TFPI: variants seen among roughly 807,000 people sequenced by gnomAD.
TFPI encodes the protein anti-convertin.
Under a neutral mutation model 34.6 loss-of-function variants are expected in TFPI, and 15 were observed. That is an observed-to-expected ratio of 0.43 (90% CI 0.29 to 0.67). The LOEUF is 0.67. Among genes scored for constraint, TFPI ranks in the 30% least tolerant of loss-of-function variants. The probability of loss-of-function intolerance (pLI) is 0.15; values close to 1 mark genes in which losing one functional copy is unlikely to be tolerated. For missense variants in TFPI, 301 were observed against 364.0 expected (o/e 0.83, Z 1.41); for synonymous variants, 105 against 120.1 (o/e 0.87, Z 0.82).
At chr2:187,534,950 A>T (rs1260498227) in intron 1 of TFPI, among the ~76,000 whole-genome samples, 1 of 152,216 alleles carries the variant, frequency 6.6e-6, no homozygotes, top group Non-Finnish European at 1.5e-5. Flanking sequence ...AGTCTCTGAT[A>T]AAGCAGACTT....
At chr2:187,527,730 G>A (rs933605664) in intron 1 of TFPI, among the ~76,000 whole-genome samples, 2 of 152,174 alleles carry the variant, frequency 1.3e-5, no homozygotes, top group African/African-American at 4.8e-5. Context: ...GTGCAAAGAT[G>A]TATCATTATA....
chr2:187,554,129 T>G (rs2106343978), intron 1 of TFPI, 71 bp downstream of exon 1: 1 of 152,242 alleles, frequency 6.6e-6, no homozygotes, highest in Non-Finnish European at 1.5e-5. Flanking sequence ...CTCAGCACCC[T>G]GCTTTTCCCC....
intron 1 of TFPI, among the ~76,000 whole-genome samples, chr2:187,523,242 T>C (rs981434271): frequency 2.6e-5 from 4 of 152,154 alleles, no homozygotes; most frequent in African/African-American, 7.2e-5. Flanking sequence ...TGAGTTCTTA[T>C]GCATGTGTTC....
chr2:187,501,905 T>C (rs749926574), intron 2 of TFPI, among the ~76,000 whole-genome samples: 3 of 152,146 alleles, frequency 2.0e-5, no homozygotes, highest in Non-Finnish European at 4.4e-5. Context: ...ATCTACTATT[T>C]GCTTGTGAGA....
At chr2:187,472,175 A>G (rs12998119) in intron 6 of TFPI, among the ~76,000 whole-genome samples, 2 of 152,098 alleles carry the variant, frequency 1.3e-5, no homozygotes, top group Admixed American at 6.6e-5. Flanking sequence ...ATAATATTCT[A>G]TATTACTATA....
intron 2 of TFPI, among the ~76,000 whole-genome samples, chr2:187,498,630 C>A (rs1478397524): frequency 6.6e-6 from 1 of 151,772 alleles, no homozygotes; most frequent in South Asian, 2.1e-4. Context: ...ACACTGCTTT[C>A]AATTTTTAAA....
chr2:187,504,192 T>C (rs1437324558), intron 1 of TFPI, among the ~76,000 whole-genome samples: 2 of 152,206 alleles, frequency 1.3e-5, no homozygotes, highest in African/African-American at 4.8e-5. Context: ...CTATTATTTC[T>C]TTAATGCAAC....
intron 1 of TFPI, chr2:187,517,896 G>A (rs1053987367): frequency 1.3e-5 from 2 of 152,124 alleles, no homozygotes; most frequent in African/African-American, 2.4e-5. Context: ...ATTATATAAC[G>A]CCTTTCTTTG....
At chr2:187,475,020 C>T (rs1242644284) in intron 6 of TFPI, among the ~76,000 whole-genome samples, 1 of 152,120 alleles carries the variant, frequency 6.6e-6, no homozygotes, top group Admixed American at 6.6e-5. Context: ...TCTCCCGTAA[C>T]CCTTGTGCAG....
At chr2:187,467,181 A>G in intron 7 of TFPI, 139 bp from the exon 8 acceptor site, 1 of 562,392 alleles carries the variant, frequency 1.8e-6, no homozygotes, top group South Asian at 2.2e-5. Context: ...TTGTCCATGT[A>G]TTCGTGTAGA....
At chr2:187,492,775 C>CG (rs1287370041) in intron 3 of TFPI, among the ~76,000 whole-genome samples, 1 of 152,136 alleles carries the variant, frequency 6.6e-6, no homozygotes, top group Non-Finnish European at 1.5e-5. Flanking sequence ...TGCCTGTACC[C>CG]CCATTGTATC....
intron 1 of TFPI, chr2:187,514,438 G>A (rs1157523997): frequency 1.3e-5 from 2 of 152,110 alleles, no homozygotes; most frequent in Non-Finnish European, 2.9e-5. Context: ...TCCGGAAGTC[G>A]AGCACCCTGT....
At chr2:187,513,781 A>G (rs1022290530) in intron 1 of TFPI, 2 of 152,322 alleles carry the variant, frequency 1.3e-5, no homozygotes, top group African/African-American at 4.8e-5. Flanking sequence ...CATCTATTCT[A>G]TTACTCTTTC....
intron 6 of TFPI, among the ~76,000 whole-genome samples, chr2:187,479,758 A>T (rs1171162921): frequency 6.6e-6 from 1 of 151,516 alleles, no homozygotes; most frequent in Non-Finnish European, 1.5e-5. Flanking sequence ...GGATGACATG[A>T]TTGTTTAGGG....
intron 1 of TFPI, chr2:187,546,612 T>C (rs915980562): frequency 6.6e-6 from 1 of 152,076 alleles, no homozygotes; most frequent in Non-Finnish European, 1.5e-5. Context: ...ATATATTAAA[T>C]GTGTATTTCT....
chr2:187,547,535 T>C (rs1342082228), intron 1 of TFPI: 1 of 152,114 alleles, frequency 6.6e-6, no homozygotes, highest in African/African-American at 2.4e-5. Context: ...ACTACAACCA[T>C]CTGCCCAGAT....
At chr2:187,517,325 AG>A (rs1162717503) in intron 1 of TFPI, 1 of 152,150 alleles carries the variant, frequency 6.6e-6, no homozygotes, top group African/African-American at 2.4e-5. Context: ...GCTGTGTCCC[AG>A]AGATTCTTGT....
intron 1 of TFPI, among the ~76,000 whole-genome samples, chr2:187,542,789 C>T (rs1392799129): frequency 6.6e-6 from 1 of 151,404 alleles, no homozygotes; most frequent in Non-Finnish European, 1.5e-5. Flanking sequence ...ATTGCTTGAA[C>T]CCGGGAGATG....
At chr2:187,467,718 C>A in intron 7 of TFPI, 35 bp downstream of exon 7, 1 of 1,493,422 alleles carries the variant, frequency 6.7e-7, no homozygotes, top group Non-Finnish European at 9.0e-7. Context: ...CTATCTTAAA[C>A]ACTAGTCAAT....
Sources: gnomAD v4.1 joint callset for allele counts (sites outside exome capture counted in the v4.1 genomes callset) on GRCh38, gnomAD v4.1.1 for gene constraint, MANE v1.5 for transcripts, NCBI Gene and HGNC (gene_info 2026-07-23, HGNC 2026-07-21) for gene names.